Variants in ANKRD31 observed in about 807,000 individuals in gnomAD.
The protein encoded by ANKRD31 is ankyrin repeat domain 31.
Under a neutral mutation model 186.0 loss-of-function variants are expected in ANKRD31, and 147 were observed. The ratio of observed to expected loss-of-function variants is 0.79; its 90% CI spans 0.69 to 0.91. ANKRD31 has a LOEUF of 0.91. ANKRD31 is among the 40% of genes least tolerant of loss of function. The pLI is 0.00. For missense variants in ANKRD31, 1,986 were observed against 2,148.8 expected, an observed-to-expected ratio of 0.92 and a Z score of 1.50; for synonymous variants, 673 against 736.4, an observed-to-expected ratio of 0.91 and a Z score of 1.39.
At chr5:75,188,956 C>T (rs1754918791) in intron 9 of ANKRD31, among the ~76,000 whole-genome samples, 1 of 152,056 alleles carries the variant, frequency 6.6e-6, no homozygotes, top group Non-Finnish European at 1.5e-5. Flanking sequence ...TATGAAAAGA[C>T]TAACAGATAA....
chr5:75,235,887 T>C (rs1436878726), intron 1 of ANKRD31, among the ~76,000 whole-genome samples: 1 of 151,294 alleles, frequency 6.6e-6, no homozygotes, highest in African/African-American at 2.4e-5. Flanking sequence ...TCTGATCATA[T>C]GAACTGGCAA....
At chr5:75,170,259 T>C (rs2150190851) in intron 10 of ANKRD31, among the ~76,000 whole-genome samples, 1 of 152,230 alleles carries the variant, frequency 6.6e-6, no homozygotes, top group Admixed American at 6.5e-5. Context: ...CAAAGATAAC[T>C]GTGAAACATT....
intron 21 of ANKRD31, among the ~76,000 whole-genome samples, chr5:75,105,651 G>C (rs1471652329): frequency 1.3e-5 from 2 of 152,122 alleles, no homozygotes; most frequent in African/African-American, 2.4e-5. Flanking sequence ...CTGTTTATTA[G>C]TAAGTACAAT....
intron 10 of ANKRD31, among the ~76,000 whole-genome samples, chr5:75,184,707 C>G (rs188223341): frequency 2.0e-5 from 3 of 152,124 alleles, no homozygotes; most frequent in Admixed American, 1.3e-4. Flanking sequence ...ATTAAAAAGA[C>G]AAAAGATAAG....
chr5:75,187,110 T>TTTTGTGTG (rs367871687), intron 10 of ANKRD31, among the ~76,000 whole-genome samples: 3 of 116,254 alleles, frequency 2.6e-5, no homozygotes, highest in African/African-American at 1.1e-4. Context: ...TGATTCTGTT[T>TTTTGTGTG]TGTGTGTGTG....
At chr5:75,132,384 T>C (rs963513472) in intron 17 of ANKRD31, among the ~76,000 whole-genome samples, 4 of 152,174 alleles carry the variant, frequency 2.6e-5, no homozygotes, top group African/African-American at 9.7e-5. Context: ...CAAGCTTCAG[T>C]AGCCCATTCG....
chr5:75,217,395 G>A (rs1384488575), intron 3 of ANKRD31, among the ~76,000 whole-genome samples: 1 of 152,128 alleles, frequency 6.6e-6, no homozygotes, highest in African/African-American at 2.4e-5. Flanking sequence ...TTATGAATAT[G>A]GGTGCACCTG....
At chr5:75,130,961 A>C (rs1219897360) in intron 17 of ANKRD31, among the ~76,000 whole-genome samples, 3 of 152,230 alleles carry the variant, frequency 2.0e-5, no homozygotes, top group Non-Finnish European at 4.4e-5. Context: ...GAAGTGAGAA[A>C]GAGATGGAGA....
At chr5:75,153,361 G>A (rs1057009549) in intron 12 of ANKRD31, among the ~76,000 whole-genome samples, 19 of 152,046 alleles carry the variant, frequency 1.2e-4, no homozygotes, top group Admixed American at 1.3e-4. Context: ...ATTAGGATTC[G>A]TTGTTACATA....
At chr5:75,234,124 A>G (rs1220959266) in intron 1 of ANKRD31, among the ~76,000 whole-genome samples, 1 of 152,256 alleles carries the variant, frequency 6.6e-6, no homozygotes, top group African/African-American at 2.4e-5. Flanking sequence ...AATTTTAATG[A>G]CATTGCAAAT....
chr5:75,186,724 T>TA (rs1561517372), intron 10 of ANKRD31, among the ~76,000 whole-genome samples: 3 of 152,188 alleles, frequency 2.0e-5, no homozygotes, highest in African/African-American at 7.2e-5. Context: ...ATTTGTTTTT[T>TA]AATCAAAGAC....
chr5:75,120,959 C>A (rs188009593), intron 17 of ANKRD31, among the ~76,000 whole-genome samples: 9 of 151,882 alleles, frequency 5.9e-5, no homozygotes, highest in Non-Finnish European at 1.0e-4. Flanking sequence ...CCGAGACAGG[C>A]GGATCATTAG....
intron 13 of ANKRD31, 138 bp downstream of exon 13, chr5:75,148,438 A>G: frequency 1.8e-6 from 1 of 552,332 alleles, no homozygotes; most frequent in South Asian, 3.3e-5. Context: ...TTCTCATGCA[A>G]TTATTCTAGT....
intron 6 of ANKRD31, 144 bp from the exon 7 acceptor site, chr5:75,196,344 G>A (rs1006816941): frequency 5.4e-5 from 34 of 625,122 alleles, no homozygotes; most frequent in Non-Finnish European, 7.8e-5. Context: ...CATAAATAAA[G>A]GGAATACTCT....
At chr5:75,171,226 C>T (rs1190374390) in intron 10 of ANKRD31, among the ~76,000 whole-genome samples, 1 of 151,968 alleles carries the variant, frequency 6.6e-6, no homozygotes, top group African/African-American at 2.4e-5. Flanking sequence ...ATGCAATAAT[C>T]AATTCTCAAT....
chr5:75,137,796 A>G, intron 17 of ANKRD31, 60 bp downstream of exon 17: 1 of 1,305,160 alleles, frequency 7.7e-7, no homozygotes. Flanking sequence ...AAAAATCTTC[A>G]TTTTCTTCAT....
intron 2 of ANKRD31, among the ~76,000 whole-genome samples, chr5:75,227,397 T>C (rs1478335754): frequency 2.0e-5 from 3 of 152,158 alleles, no homozygotes; most frequent in East Asian, 1.9e-4. Context: ...AATTAATTAA[T>C]TGTACATTGT....
intron 3 of ANKRD31, among the ~76,000 whole-genome samples, chr5:75,220,170 C>T (rs1343542921): frequency 6.6e-6 from 1 of 152,116 alleles, no homozygotes; most frequent in Non-Finnish European, 1.5e-5. Flanking sequence ...AGCTTCTGCA[C>T]AGCAAAAGAA....
At chr5:75,101,443 C>G (rs1746870787) in intron 22 of ANKRD31, among the ~76,000 whole-genome samples, 1 of 152,018 alleles carries the variant, frequency 6.6e-6, no homozygotes, top group Non-Finnish European at 1.5e-5. Context: ...ATGGTGTTCT[C>G]TGTATTTCTT....
Sources: allele counts gnomAD v4.1 joint callset (sites outside exome capture counted in the v4.1 genomes callset), GRCh38; gene constraint gnomAD v4.1.1; transcripts MANE v1.5; gene names NCBI Gene and HGNC (gene_info 2026-07-23, HGNC 2026-07-21).